The following KSR1 variants were observed in gnomAD, a reference collection of about 807,000 sequenced individuals.
The protein encoded by KSR1 is kinase suppressor of ras 1, also known as kinase suppressor of ras.
In KSR1, 35 loss-of-function variants were observed where a neutral mutation model predicts 92.9. That is an observed-to-expected ratio of 0.38 (90% CI 0.29 to 0.50). KSR1 has a LOEUF of 0.50. Among genes scored for constraint, KSR1 ranks in the 20% least tolerant of loss-of-function variants. The pLI, the probability that KSR1 is intolerant of heterozygous loss-of-function variation, is 0.94. For missense variants in KSR1, 972 were observed against 1,158.5 expected (o/e 0.84, Z 2.34); for synonymous variants, 467 against 472.6 (o/e 0.99, Z 0.15).
intron 1 of KSR1, among the ~76,000 whole-genome samples, chr17:27,523,527 T>C (rs1286694468): frequency 6.6e-6 from 1 of 152,260 alleles, no homozygotes; most frequent in Non-Finnish European, 1.5e-5. Context: ...AGATAGTGAA[T>C]GTTGATGTTA....
At chr17:27,500,742 TAGG>T (rs1023219809) in intron 1 of KSR1, among the ~76,000 whole-genome samples, 1 of 152,068 alleles carries the variant, frequency 6.6e-6, no homozygotes, top group Non-Finnish European at 1.5e-5. Flanking sequence ...TTATGAGAAA[TAGG>T]AGGTTTGTGG....
intron 1 of KSR1, among the ~76,000 whole-genome samples, chr17:27,463,467 G>GA (rs963635192): frequency 3.5e-3 from 388 of 109,588 alleles, no homozygotes; most frequent in East Asian, 6.5e-3. Context: ...GGATGACAGA[G>GA]AAAAAAAAAA....
Position 27,577,983 on chromosome 17 carries a change from C to G in KSR1, c.520+344C>G, listed in dbSNP as rs1416800026. On this transcript the variant is annotated intron_variant, in intron 3 of 20. Coordinates refer to ENST00000644974, the MANE Select transcript of KSR1 (RefSeq NM_001394583.1). The surrounding 1 kb of genome is among the most constrained non-coding windows in gnomAD (Gnocchi z 4.5). ...ACATTCCAGCCCCCAGCCCTCTCCC[C>G]GTCTTCTCCTGTCCCCATTGCTGGC... The G allele has an allele frequency of 2.4e-6, 1 of 411,212 alleles. No homozygotes were observed. The highest frequency in any genetic ancestry group is 4.6e-6 in the Non-Finnish European group (1 of 217,502). 25.5% of individuals were successfully genotyped at this position (411,212 alleles called of 1,614,324 possible).
At chr17:27,602,323 G>A (rs1163963328) in intron 11 of KSR1, among the ~76,000 whole-genome samples, 2 of 152,184 alleles carry the variant, frequency 1.3e-5, no homozygotes, top group African/African-American at 2.4e-5. Flanking sequence ...CCTCTGAACA[G>A]CTGAGCAGCC....
intron 9 of KSR1, among the ~76,000 whole-genome samples, chr17:27,595,333 G>T (rs568864413): frequency 2.8e-4 from 43 of 152,326 alleles, no homozygotes; most frequent in African/African-American, 9.1e-4. Context: ...TAGCTAGCAG[G>T]TCTGCAAAAG....
At chr17:27,526,762 A>T in intron 1 of KSR1, 1 of 1,184,008 alleles carries the variant, frequency 8.4e-7, no homozygotes, top group Non-Finnish European at 1.2e-6. Context: ...CTTTCTCATC[A>T]TCGCACAGTT....
chr17:27,562,143 G>A (rs543379277), intron 2 of KSR1, among the ~76,000 whole-genome samples: 1 of 152,320 alleles, frequency 6.6e-6, no homozygotes, highest in South Asian at 2.1e-4. Flanking sequence ...ACCAGGCCCG[G>A]CCTTGCTTGG....
chr17:27,603,994 A>G, intron 12 of KSR1, 106 bp downstream of exon 12: 1 of 1,158,212 alleles, frequency 8.6e-7, no homozygotes. Flanking sequence ...CCAGCCAGCC[A>G]GATGCAGAAC....
At chr17:27,574,498 A>C (rs910299031) in intron 2 of KSR1, among the ~76,000 whole-genome samples, 3 of 152,142 alleles carry the variant, frequency 2.0e-5, no homozygotes, top group African/African-American at 7.2e-5. Flanking sequence ...TACAGCCCTG[A>C]AGATTGAAGA....
chr17:27,579,114 G>A (rs2072639422), intron 3 of KSR1: 1 of 152,314 alleles, frequency 6.6e-6, no homozygotes, highest in South Asian at 2.1e-4. Flanking sequence ...ATCCCCAGCA[G>A]AGTCCTAGCC....
chr17:27,614,639 A>G (rs1222215842), intron 18 of KSR1, among the ~76,000 whole-genome samples: 1 of 152,226 alleles, frequency 6.6e-6, no homozygotes, highest in Non-Finnish European at 1.5e-5. Flanking sequence ...TGGGAATAAG[A>G]TCATAGTTTT....
At chr17:27,596,898 G>A (rs1247067997) in intron 9 of KSR1, among the ~76,000 whole-genome samples, 1 of 152,232 alleles carries the variant, frequency 6.6e-6, no homozygotes, top group Non-Finnish European at 1.5e-5. Flanking sequence ...AAGGTAGTGG[G>A]AGAGACTTTC....
chr17:27,567,766 G>A (rs1053521592), intron 2 of KSR1, among the ~76,000 whole-genome samples: 4 of 151,472 alleles, frequency 2.6e-5, no homozygotes, highest in East Asian at 1.9e-4. Flanking sequence ...TCGCCCTCCC[G>A]GGGGCATGGT....
At chr17:27,533,816 G>A (rs889941701) in intron 1 of KSR1, among the ~76,000 whole-genome samples, 1 of 152,226 alleles carries the variant, frequency 6.6e-6, no homozygotes, top group African/African-American at 2.4e-5. Flanking sequence ...CACCCTTGTT[G>A]GAGTTAGCTG....
intron 1 of KSR1, among the ~76,000 whole-genome samples, chr17:27,498,853 A>C (rs2069082840): frequency 6.6e-6 from 1 of 152,188 alleles, no homozygotes; most frequent in Non-Finnish European, 1.5e-5. Flanking sequence ...GGAGACTCTT[A>C]GGGAAACTTT....
rs71160198 is a variant in KSR1, at chr17:27,579,878, C to CAAAAAAAAAAAAAAAAAAAAA, written c.520+2252_520+2272dup. 10 of 29,614 alleles carry CAAAAAAAAAAAAAAAAAAAAA rather than the reference C, an allele frequency of 3.4e-4. 4 individuals are homozygous for CAAAAAAAAAAAAAAAAAAAAA. Among genetic ancestry groups the CAAAAAAAAAAAAAAAAAAAAA allele is most frequent in the Admixed American group, 1.4e-3 (2 of 1,406 alleles). 1.8% of individuals were successfully genotyped at this position (29,614 alleles called of 1,614,324 possible). Reference sequence around the variant, plus strand: ...GTAACAGAGCCAGATGCTGTCTCACCAAAAAAAAAAAAAAAAAAAAAAAAA... The same window carrying CAAAAAAAAAAAAAAAAAAAAA: ...GTAACAGAGCCAGATGCTGTCTCACCAAAAAAAAAAAAAAAAAAAAAAAAAAAAAAAAAAAAAAAAAAAAAA... On this transcript the variant is annotated intron_variant, in intron 3 of 20. Transcript: ENST00000644974.
At chr17:27,487,238 C>T (rs1182245391) in intron 1 of KSR1, among the ~76,000 whole-genome samples, 1 of 151,984 alleles carries the variant, frequency 6.6e-6, no homozygotes, top group Non-Finnish European at 1.5e-5. Context: ...AGTTGGATAC[C>T]CGCCTGGCCA....
At chr17:27,585,389 G>A (rs1033296329) in intron 4 of KSR1, among the ~76,000 whole-genome samples, 6 of 152,104 alleles carry the variant, frequency 3.9e-5, no homozygotes, top group South Asian at 4.1e-4. Context: ...CGAGGCTTAC[G>A]TAAGCTAATG....
Position 27,617,445 on chromosome 17 carries a change from T to G in KSR1, c.2627+17T>G, listed in dbSNP as rs1188212350. On this transcript the variant is annotated intron_variant, in intron 19 of 20. Coordinates refer to ENST00000644974, the MANE Select transcript of KSR1 (RefSeq NM_001394583.1). ...GTCAGCTGAGTAAGTGCCTCTTCCA[T>G]GAGCCAGACTGCCAGCCAGGCCCTC... The G allele has an allele frequency of 6.3e-7, 1 of 1,592,686 alleles. No individual in the cohort carries two copies. The highest frequency in any genetic ancestry group is 8.6e-7 in the Non-Finnish European group (1 of 1,163,024).
Sources: allele counts gnomAD v4.1 joint callset (sites outside exome capture counted in the v4.1 genomes callset), GRCh38; gene constraint gnomAD v4.1.1; non-coding constraint Gnocchi (gnomAD v3.1); transcripts MANE v1.5; gene names NCBI Gene and HGNC (gene_info 2026-07-23, HGNC 2026-07-21).